The following MYO16 variants were observed in gnomAD, a reference collection of about 807,000 sequenced individuals.
MYO16 encodes myosin XVI, also known as unconventional myosin-XVI.
In MYO16, 94 loss-of-function variants were observed where a neutral mutation model predicts 205.3. The observed-to-expected ratio is 0.46, with a 90% CI of 0.39 to 0.54. The LOEUF (loss-of-function observed/expected upper bound fraction) is 0.54, where lower values mean the gene tolerates loss of function less well. MYO16 is among the 20% of genes least tolerant of loss of function. The pLI is 0.00. For synonymous variants in MYO16, 988 were observed against 954.0 expected, an observed-to-expected ratio of 1.04 and a Z score of -0.66; for missense variants, 2,315 against 2,387.5, an observed-to-expected ratio of 0.97 and a Z score of 0.63.
chr13:108,966,530 A>G (rs1211512416), intron 20 of MYO16, among the ~76,000 whole-genome samples: 1 of 152,216 alleles, frequency 6.6e-6, no homozygotes. Flanking sequence ...TTGTCTTTGC[A>G]TGGGAATATT....
intron 33 of MYO16, among the ~76,000 whole-genome samples, chr13:109,176,333 A>G (rs1879173915): frequency 6.6e-6 from 1 of 151,804 alleles, no homozygotes; most frequent in South Asian, 2.1e-4. Flanking sequence ...TGGGATCTGT[A>G]GGATGTTTGA....
the MYO16 span, among the ~76,000 whole-genome samples, chr13:108,549,577 A>T: frequency 6.6e-6 from 1 of 152,090 alleles, no homozygotes; most frequent in African/African-American, 2.4e-5. Flanking sequence ...TAAATACCTA[A>T]TGTGTAAGTA....
At chr13:108,919,230 A>G (rs1445308249) in intron 16 of MYO16, among the ~76,000 whole-genome samples, 5 of 152,218 alleles carry the variant, frequency 3.3e-5, no homozygotes, top group Non-Finnish European at 7.3e-5. Context: ...GCATATTGCC[A>G]TGCAGTCCCA....
At chr13:108,728,395 T>C (rs1439016475) in intron 4 of MYO16, among the ~76,000 whole-genome samples, 1 of 151,730 alleles carries the variant, frequency 6.6e-6, no homozygotes, top group Non-Finnish European at 1.5e-5. Context: ...TTTTTGTCAC[T>C]GAGCCGTGCT....
At chr13:108,716,937 G>T (rs534132473) in intron 3 of MYO16, among the ~76,000 whole-genome samples, 21 of 152,104 alleles carry the variant, frequency 1.4e-4, no homozygotes, top group Non-Finnish European at 2.1e-4. Flanking sequence ...TTTATTGAAT[G>T]CATGTGTTAA....
At chr13:108,632,913 A>G (rs1880052448) in intron 1 of MYO16, among the ~76,000 whole-genome samples, 1 of 152,060 alleles carries the variant, frequency 6.6e-6, no homozygotes, top group Non-Finnish European at 1.5e-5. Context: ...ACTTGAAACT[A>G]CTTTTGTTTT....
intron 20 of MYO16, among the ~76,000 whole-genome samples, chr13:108,987,100 G>T (rs949737895): frequency 1.3e-5 from 2 of 152,142 alleles, no homozygotes; most frequent in Non-Finnish European, 2.9e-5. Context: ...AATGTTCCTC[G>T]CAAGGGGTCC....
At chr13:108,622,520 T>C (rs1042665535) in intron 1 of MYO16, among the ~76,000 whole-genome samples, 3 of 152,120 alleles carry the variant, frequency 2.0e-5, no homozygotes, top group African/African-American at 7.2e-5. Flanking sequence ...ATTAGCCTCA[T>C]GCACTGTGGC....
At chr13:108,677,065 C>A (rs1174933806) in intron 2 of MYO16, among the ~76,000 whole-genome samples, 1 of 152,090 alleles carries the variant, frequency 6.6e-6, no homozygotes. Flanking sequence ...ATTATTCATT[C>A]ATTCATTCAT....
intron 34 of MYO16, among the ~76,000 whole-genome samples, chr13:109,187,759 T>C (rs1879745610): frequency 6.6e-6 from 1 of 152,210 alleles, no homozygotes; most frequent in African/African-American, 2.4e-5. Context: ...TAAAATGTTT[T>C]TATGGCCCAG....
intron 16 of MYO16, among the ~76,000 whole-genome samples, chr13:108,920,675 T>A (rs1030536521): frequency 3.3e-5 from 5 of 152,154 alleles, no homozygotes; most frequent in Admixed American, 6.5e-5. Context: ...GCCAGGCTGG[T>A]CTCAAACTCC....
intron 5 of MYO16, among the ~76,000 whole-genome samples, chr13:108,791,876 C>G (rs1246002055): frequency 6.6e-6 from 1 of 152,218 alleles, no homozygotes; most frequent in Non-Finnish European, 1.5e-5. Context: ...TCAGGAGCAT[C>G]AATCCAGAGT....
intron 1 of MYO16, among the ~76,000 whole-genome samples, chr13:108,643,686 G>A (rs906317499): frequency 5.3e-5 from 8 of 152,174 alleles, no homozygotes; most frequent in Non-Finnish European, 7.3e-5. Flanking sequence ...CACAGTGTGT[G>A]CACCCCATTC....
intron 4 of MYO16, among the ~76,000 whole-genome samples, chr13:108,730,208 T>C (rs116770706): frequency 7.2e-4 from 109 of 152,220 alleles, no homozygotes; most frequent in African/African-American, 2.5e-3. Context: ...CTCATGACGG[T>C]AAGTTCTCAT....
At chr13:109,052,190 G>A (rs963439975) in intron 24 of MYO16, 110 bp from the exon 25 acceptor site, 13 of 891,382 alleles carry the variant, frequency 1.5e-5, no homozygotes, top group East Asian at 5.0e-5. Context: ...AACGAATGAC[G>A]TCTTGCACCC....
chr13:109,124,374 T>C (rs1876138284), intron 29 of MYO16, among the ~76,000 whole-genome samples: 1 of 152,198 alleles, frequency 6.6e-6, no homozygotes, highest in African/African-American at 2.4e-5. Context: ...TTCTTAGTTT[T>C]ACTAAGAGAA....
In MYO16 at chr13:108,727,502, C is replaced by T; in HGVS notation, c.426C>T (p.Asn142=). The change falls in exon 4 of 35, where the codon AAC becomes AAT. Residue 142 remains asparagine, a synonymous_variant. Transcript: ENST00000457511. The part of the protein sequence containing the change: ...EILIDRGVNV[N]HQDEDFWTPM... ...TGATTGACAGAGGAGTCAACGTCAACCACCAGGATGAAGACTTCTGGACGC... is the reference window on the plus strand; with the variant it reads ...TGATTGACAGAGGAGTCAACGTCAATCACCAGGATGAAGACTTCTGGACGC... The T allele has an allele frequency of 1.9e-6, 3 of 1,613,992 alleles. No individual in the cohort carries two copies. Among genetic ancestry groups the T allele is most frequent in the Non-Finnish European group, 2.5e-6 (3 of 1,179,930 alleles).
chr13:108,963,109 A>G (rs992579042), intron 19 of MYO16, among the ~76,000 whole-genome samples: 2 of 152,226 alleles, frequency 1.3e-5, no homozygotes, highest in African/African-American at 4.8e-5. Flanking sequence ...ATGCATCTCT[A>G]CTCAGTGAAC....
intron 11 of MYO16, among the ~76,000 whole-genome samples, chr13:108,864,407 C>G (rs1043068176): frequency 6.6e-6 from 1 of 152,138 alleles, no homozygotes; most frequent in Non-Finnish European, 1.5e-5. Flanking sequence ...TGTAAAATTT[C>G]AAAATGTTTG....
Sources: gnomAD v4.1 joint callset for allele counts (sites outside exome capture counted in the v4.1 genomes callset) on GRCh38, gnomAD v4.1.1 for gene constraint, MANE v1.5 for transcripts, NCBI Gene and HGNC (gene_info 2026-07-23, HGNC 2026-07-21) for gene names.